Variants in H2BC5 observed in about 807,000 individuals in gnomAD.
H2BC5 encodes histone H2B type 1-D.
In H2BC5, 9 loss-of-function variants were observed where a neutral mutation model predicts 5.7. That is an observed-to-expected ratio of 1.57 (90% CI 0.95 to 2.74). H2BC5 has a LOEUF of 2.74. H2BC5 is among the 30% of genes most tolerant of loss of function. The pLI, the probability that H2BC5 is intolerant of heterozygous loss-of-function variation, is 0.00. For synonymous variants in H2BC5, 133 were observed against 70.9 expected (o/e 1.88, Z -4.40); for missense variants, 175 against 168.8 (o/e 1.04, Z -0.20).
At chr6:26,168,854 T>C (rs1346791966) in intron 1 of H2BC5, among the ~76,000 whole-genome samples, 1 of 152,204 alleles carries the variant, frequency 6.6e-6, no homozygotes, top group Non-Finnish European at 1.5e-5. Context: ...ATTGAATGTA[T>C]TAATTCATTT....
intron 1 of H2BC5, among the ~76,000 whole-genome samples, chr6:26,164,881 C>T (rs1317974833): frequency 6.6e-6 from 1 of 151,970 alleles, no homozygotes; most frequent in Non-Finnish European, 1.5e-5. Context: ...CCTACCATGC[C>T]CTTCTGCCAT....
rs1316456086 is a variant in H2BC5 at position 26,158,401 on chromosome 6, G to A, written c.232G>A (p.Ala78Thr). 1.9e-6 allele frequency: 3 copies of A among 1,614,264 alleles called. No individual in the cohort carries two copies. Among genetic ancestry groups the A allele is most frequent in the Non-Finnish European group, 2.5e-6 (3 of 1,180,044 alleles). The change falls in exon 1 of 1, where the codon GCT becomes ACT. Residue 78 changes from alanine (A) to threonine (T), a missense_variant. Ala to Thr is a moderately conservative substitution (Grantham distance 58). Coordinates refer to ENST00000377777, the MANE Select transcript of H2BC5 (RefSeq NM_021063.4). The part of the protein sequence containing the change: ...NDIFERIAGE[A>T]SRLAHYNKRS... ...CATCTTCGAGCGCATCGCAGGCGAGGCTTCCCGCCTGGCGCATTACAACAA... is the reference window on the plus strand; with the variant it reads ...CATCTTCGAGCGCATCGCAGGCGAGACTTCCCGCCTGGCGCATTACAACAA...
chr6:26,158,612 T>C (rs1470812003), downstream of H2BC5: 8 of 1,589,876 alleles, frequency 5.0e-6, no homozygotes, highest in South Asian at 4.5e-5. Flanking sequence ...CACGCATGTT[T>C]TCAATAAATG....
chr6:26,167,049 C>CTTTTTTTTTTTTTTTTTTTTTTTTTT (rs149341201), intron 1 of H2BC5, among the ~76,000 whole-genome samples: 65 of 97,028 alleles, frequency 6.7e-4, no homozygotes, highest in Non-Finnish European at 9.8e-4. Context: ...TTTGTTTTCT[C>CTTTTTTTTTTTTTTTTTTTTTTTTTT]TTTTTTTTTT....
At chr6:26,159,436 G>A (rs1764316032), downstream of H2BC5, among the ~76,000 whole-genome samples, 1 of 151,870 alleles carries the variant, frequency 6.6e-6, no homozygotes, top group Admixed American at 6.6e-5. Context: ...GACTGGAGGA[G>A]GTAGAAAGGG....
At chr6:26,168,402 G>A (rs191968404) in intron 1 of H2BC5, among the ~76,000 whole-genome samples, 7 of 151,618 alleles carry the variant, frequency 4.6e-5, no homozygotes, top group Non-Finnish European at 1.0e-4. Context: ...AGGTTGTGGT[G>A]AGCTGAGATC....
chr6:26,159,611 T>C (rs561896237), downstream of H2BC5, among the ~76,000 whole-genome samples: 1 of 152,170 alleles, frequency 6.6e-6, no homozygotes, highest in East Asian at 1.9e-4. Context: ...GAACAAATAC[T>C]TGAGACGTGA....
At chr6:26,168,881 C>T (rs1764476888) in intron 1 of H2BC5, among the ~76,000 whole-genome samples, 1 of 152,154 alleles carries the variant, frequency 6.6e-6, no homozygotes, top group African/African-American at 2.4e-5. Context: ...TCTTAAACTG[C>T]AGTCTGTAAA....
At chr6:26,167,835 G>A (rs1384374142) in intron 1 of H2BC5, among the ~76,000 whole-genome samples, 4 of 151,858 alleles carry the variant, frequency 2.6e-5, no homozygotes, top group African/African-American at 4.8e-5. Flanking sequence ...TGCACCTTAC[G>A]CTCATAATAG....
At chr6:26,164,749 C>T (rs1455384452) in intron 1 of H2BC5, among the ~76,000 whole-genome samples, 4 of 152,034 alleles carry the variant, frequency 2.6e-5, no homozygotes, top group African/African-American at 9.7e-5. Flanking sequence ...CACAAGAAGG[C>T]TCTGCAGGCC....
chr6:26,158,549 A>G lies in H2BC5; in HGVS notation c.380A>G (p.Ter127=), dbSNP rs1469587530. 6 of 1,614,094 alleles carry G rather than the reference A, an allele frequency of 3.7e-6. No homozygotes were observed. The highest frequency in any genetic ancestry group is 2.2e-5 in the East Asian group (1 of 44,888). ...GTCACCAAGTACACCAGTTCCAAGT[A>G]ACTTTGCCAAGTAAGCATCTTTACA... ...KAVTKYTSSK[*] is the part of the protein sequence containing the mutation. The change falls in exon 1 of 1, where the codon TAA becomes TGA. Residue 127 remains the stop codon, a stop_retained_variant. Transcript: ENST00000377777.
chr6:26,164,868 G>A (rs1764397569), intron 1 of H2BC5, among the ~76,000 whole-genome samples: 1 of 151,952 alleles, frequency 6.6e-6, no homozygotes, highest in Non-Finnish European at 1.5e-5. Flanking sequence ...TCTCTCTGCT[G>A]TCCCTACCAT....
At chr6:26,158,965 C>T (rs1487535303), downstream of H2BC5, among the ~76,000 whole-genome samples, 11 of 152,294 alleles carry the variant, frequency 7.2e-5, no homozygotes, top group African/African-American at 2.6e-4. Context: ...GAGCTTTCTC[C>T]ACCACCACCC....
chr6:26,162,105 G>A (rs1764360033), downstream of H2BC5, among the ~76,000 whole-genome samples: 1 of 152,174 alleles, frequency 6.6e-6, no homozygotes, highest in African/African-American at 2.4e-5. Flanking sequence ...ATGTAATACT[G>A]ATTTTCAAAA....
At chr6:26,162,850 T>C (rs1764371518), downstream of H2BC5, among the ~76,000 whole-genome samples, 2 of 152,202 alleles carry the variant, frequency 1.3e-5, no homozygotes, top group Admixed American at 1.3e-4. Flanking sequence ...GGTAGTTTCC[T>C]TCTAATCTTC....
chr6:26,165,283 G>C (rs1192373757), intron 1 of H2BC5, among the ~76,000 whole-genome samples: 3 of 152,192 alleles, frequency 2.0e-5, no homozygotes, highest in Non-Finnish European at 2.9e-5. Context: ...GATGTGCCTG[G>C]TCTTGGACTC....
downstream of H2BC5, among the ~76,000 whole-genome samples, chr6:26,162,496 G>A (rs192943890): frequency 2.7e-3 from 411 of 152,282 alleles, 4 homozygotes; most frequent in African/African-American, 9.2e-3. Context: ...GTGCATGGAT[G>A]TGTATATGTA....
intron 1 of H2BC5, chr6:26,164,499 C>CA (rs1175343107): frequency 6.4e-6 from 1 of 156,322 alleles, no homozygotes; most frequent in African/African-American, 2.4e-5. Context: ...TTTGGGCTAT[C>CA]AGAGTTCCCC....
intron 1 of H2BC5, among the ~76,000 whole-genome samples, chr6:26,168,197 G>C (rs1764462921): frequency 6.6e-6 from 1 of 151,882 alleles, no homozygotes; most frequent in Non-Finnish European, 1.5e-5. Flanking sequence ...AGTGGCTCAA[G>C]CCTGTAATAC....
Sources: gnomAD v4.1 joint callset for allele counts (sites outside exome capture counted in the v4.1 genomes callset) on GRCh38, gnomAD v4.1.1 for gene constraint, MANE v1.5 for transcripts, NCBI Gene and HGNC (gene_info 2026-07-23, HGNC 2026-07-21) for gene names.